Variants in PTPRD observed in about 807,000 individuals in gnomAD.
PTPRD encodes protein tyrosine phosphatase receptor type D, also known as receptor-type tyrosine-protein phosphatase delta.
Under a neutral mutation model 214.5 loss-of-function variants are expected in PTPRD, and 34 were observed. The ratio of observed to expected loss-of-function variants is 0.16; its 90% CI spans 0.12 to 0.21. The LOEUF is 0.21. Among genes scored for constraint, PTPRD ranks in the 10% least tolerant of loss-of-function variants. The pLI, the probability that PTPRD is intolerant of heterozygous loss-of-function variation, is 1.00. For missense variants in PTPRD, 2,545 were observed against 2,398.7 expected (o/e 1.06, Z -1.27); for synonymous variants, 1,128 against 845.7 (o/e 1.33, Z -5.79).
intron 12 of PTPRD, among the ~76,000 whole-genome samples, chr9:8,654,943 A>G (rs902184247): frequency 6.6e-6 from 1 of 152,142 alleles, no homozygotes; most frequent in African/African-American, 2.4e-5. Context: ...ATCTTCATCA[A>G]TCTTTCTAGC....
intron 8 of PTPRD, among the ~76,000 whole-genome samples, chr9:9,545,784 T>C (rs1273832569): frequency 6.6e-6 from 1 of 151,846 alleles, no homozygotes; most frequent in African/African-American, 2.4e-5. Flanking sequence ...ATTCTGGGTC[T>C]TTTACTGTTC....
chr9:10,595,939 A>C (rs1352215223), intron 2 of PTPRD, among the ~76,000 whole-genome samples: 1 of 151,966 alleles, frequency 6.6e-6, no homozygotes, highest in African/African-American at 2.4e-5. Context: ...AGATACTGTC[A>C]TTGCCTCCAC....
chr9:8,328,789 C>T (rs139695906), intron 44 of PTPRD, among the ~76,000 whole-genome samples: 307 of 152,126 alleles, frequency 2.0e-3, no homozygotes, highest in African/African-American at 6.8e-3. Context: ...TCTTCAATCT[C>T]GGACATCCGT....
At chr9:10,398,273 C>T (rs546157776) in intron 2 of PTPRD, among the ~76,000 whole-genome samples, 9 of 151,598 alleles carry the variant, frequency 5.9e-5, no homozygotes, top group African/African-American at 1.4e-4. Context: ...CCCAGCTACT[C>T]GGAACCTGAA....
At chr9:8,605,819 T>C (rs2095174600) in intron 14 of PTPRD, among the ~76,000 whole-genome samples, 2 of 152,168 alleles carry the variant, frequency 1.3e-5, no homozygotes, top group Admixed American at 6.5e-5. Context: ...AACATAAGCA[T>C]ACTCTACTTA....
At chr9:8,628,640 G>T (rs575684024) in intron 14 of PTPRD, among the ~76,000 whole-genome samples, 17 of 150,818 alleles carry the variant, frequency 1.1e-4, no homozygotes, top group African/African-American at 3.7e-4. Flanking sequence ...AAACAGAACA[G>T]AACAGGGAAG....
At chr9:8,624,733 C>G (rs759078132) in intron 14 of PTPRD, among the ~76,000 whole-genome samples, 1 of 151,878 alleles carries the variant, frequency 6.6e-6, no homozygotes, top group East Asian at 1.9e-4. Context: ...TAAACCTATA[C>G]AGTTAGGAAG....
At chr9:10,354,142 C>G (rs1048902399) in intron 2 of PTPRD, among the ~76,000 whole-genome samples, 3 of 152,084 alleles carry the variant, frequency 2.0e-5, no homozygotes, top group African/African-American at 7.2e-5. Flanking sequence ...TTTTCATGCT[C>G]TTCCTACATA....
chr9:9,575,156 T>A (rs1591972624), intron 7 of PTPRD, among the ~76,000 whole-genome samples: 2 of 152,178 alleles, frequency 1.3e-5, no homozygotes, highest in African/African-American at 4.8e-5. Context: ...GATATATACA[T>A]GTGCAAACAT....
intron 2 of PTPRD, among the ~76,000 whole-genome samples, chr9:10,412,939 A>G (rs1270043860): frequency 6.6e-6 from 1 of 151,912 alleles, no homozygotes; most frequent in Non-Finnish European, 1.5e-5. Context: ...TTCTCAATAA[A>G]CTAGGTATTG....
chr9:10,278,977 T>G lies in PTPRD; in HGVS notation c.-545+61986A>C, dbSNP rs554498346. Among the ~76,000 whole-genome samples the G allele has an allele frequency of 3.9e-5, 6 of 152,140 alleles. No individual in the cohort carries two copies. In the East Asian group the frequency reaches 9.7e-4, roughly 25 times the overall value. On this transcript the variant is annotated intron_variant, in intron 3 of 45. Coordinates refer to ENST00000381196, the MANE Select transcript of PTPRD (RefSeq NM_002839.4). Reference sequence around the variant, plus strand: ...TTTTAGTAGAGACGGGGCTTCACCGTGTTAGCCAGGATGATCTCGATCTCC... The same window carrying G: ...TTTTAGTAGAGACGGGGCTTCACCGGGTTAGCCAGGATGATCTCGATCTCC...
chr9:8,803,512 T>G (rs1251654631), intron 11 of PTPRD, among the ~76,000 whole-genome samples: 2 of 152,138 alleles, frequency 1.3e-5, no homozygotes, highest in African/African-American at 4.8e-5. Context: ...TCTTTACACT[T>G]ACATTTATAT....
chr9:9,578,912 T>C (rs559829438), intron 7 of PTPRD, among the ~76,000 whole-genome samples: 1 of 152,160 alleles, frequency 6.6e-6, no homozygotes, highest in Non-Finnish European at 1.5e-5. Flanking sequence ...ATATAATGTA[T>C]GTAAGATCCT....
At chr9:9,158,581 C>T (rs1017991352) in intron 10 of PTPRD, among the ~76,000 whole-genome samples, 2 of 151,996 alleles carry the variant, frequency 1.3e-5, no homozygotes, top group African/African-American at 4.8e-5. Flanking sequence ...GCCTGGGTGA[C>T]AGAGTGAGAC....
chr9:10,170,175 G>A (rs2099192043), intron 3 of PTPRD, among the ~76,000 whole-genome samples: 1 of 152,132 alleles, frequency 6.6e-6, no homozygotes, highest in Admixed American at 6.6e-5. Context: ...ACTTCTGGAA[G>A]CAGTAGCTCA....
chr9:10,170,985 C>A (rs536830106), intron 3 of PTPRD, among the ~76,000 whole-genome samples: 18 of 152,284 alleles, frequency 1.2e-4, no homozygotes, highest in African/African-American at 4.1e-4. Context: ...AAGATGCAAT[C>A]ATTACTTCTG....
chr9:9,508,659 T>C (rs2096627236), intron 8 of PTPRD, among the ~76,000 whole-genome samples: 1 of 151,624 alleles, frequency 6.6e-6, no homozygotes, highest in Admixed American at 6.6e-5. Context: ...ACATTTTCAG[T>C]CTTCTTTGAG....
chr9:8,546,904 T>G (rs2080332333), intron 14 of PTPRD, among the ~76,000 whole-genome samples: 1 of 152,210 alleles, frequency 6.6e-6, no homozygotes, highest in African/African-American at 2.4e-5. Flanking sequence ...GTTAGTAGAT[T>G]TGGAGCTAAA....
At chr9:8,956,900 A>C (rs2099134339) in intron 11 of PTPRD, among the ~76,000 whole-genome samples, 1 of 151,882 alleles carries the variant, frequency 6.6e-6, no homozygotes, top group Non-Finnish European at 1.5e-5. Context: ...GGGAGGCCTA[A>C]ACATTGCTAT....
Sources: allele counts gnomAD v4.1 joint callset (sites outside exome capture counted in the v4.1 genomes callset), GRCh38; gene constraint gnomAD v4.1.1; transcripts MANE v1.5; gene names NCBI Gene and HGNC (gene_info 2026-07-23, HGNC 2026-07-21).